The following NCKAP5 variants were observed in gnomAD, a reference collection of about 807,000 sequenced individuals.
NCKAP5 encodes NCK associated protein 5.
A neutral mutation model predicts 167.0 loss-of-function variants in NCKAP5; 92 were observed. That is an observed-to-expected ratio of 0.55 (90% CI 0.47 to 0.66). The LOEUF is 0.66. Among genes scored for constraint, NCKAP5 ranks in the 30% least tolerant of loss-of-function variants. NCKAP5 has a pLI of 0.00. For synonymous variants in NCKAP5, 891 were observed against 877.4 expected, an observed-to-expected ratio of 1.02 and a Z score of -0.27; for missense variants, 2,378 against 2,315.0, an observed-to-expected ratio of 1.03 and a Z score of -0.56.
chr2:133,583,775 G>A, the NCKAP5 span, among the ~76,000 whole-genome samples: 48,824 of 151,832 alleles, frequency 0.32, 8,181 homozygotes, highest in South Asian at 0.42. Context: ...TTGTTTTGAG[G>A]TGGAGTCTCG....
intron 8 of NCKAP5, among the ~76,000 whole-genome samples, chr2:132,926,766 T>G (rs1198698274): frequency 6.6e-6 from 1 of 152,236 alleles, no homozygotes; most frequent in East Asian, 1.9e-4. Flanking sequence ...TTGTAAATTC[T>G]GGATATTCAT....
intron 2 of NCKAP5, among the ~76,000 whole-genome samples, chr2:133,535,068 A>G (rs550378172): frequency 8.9e-4 from 135 of 152,210 alleles, no homozygotes; most frequent in Non-Finnish European, 1.7e-3. Context: ...TTTGATTCCC[A>G]TTTCCCGAAT....
At chr2:132,792,412 C>T (rs74572162) in intron 12 of NCKAP5, among the ~76,000 whole-genome samples, 553 of 152,274 alleles carry the variant, frequency 3.6e-3, no homozygotes, top group Non-Finnish European at 6.3e-3. Flanking sequence ...ATGGTTGTGT[C>T]GCAGAGCAGC....
intron 3 of NCKAP5, among the ~76,000 whole-genome samples, chr2:133,371,131 T>C (rs2150910321): frequency 6.6e-6 from 1 of 152,308 alleles, no homozygotes; most frequent in Admixed American, 6.5e-5. Context: ...ACAGCAGTAG[T>C]TGTTGTCTCT....
At chr2:133,066,106 T>C (rs1573924324) in intron 6 of NCKAP5, among the ~76,000 whole-genome samples, 1 of 152,316 alleles carries the variant, frequency 6.6e-6, no homozygotes, top group East Asian at 1.9e-4. Flanking sequence ...TTAAGATAAT[T>C]ACAACTGAAG....
intron 3 of NCKAP5, among the ~76,000 whole-genome samples, chr2:133,385,027 A>G (rs1686831695): frequency 6.6e-6 from 1 of 152,186 alleles, no homozygotes; most frequent in Admixed American, 6.5e-5. Context: ...TCCTAATTGA[A>G]TAGGCTTTAT....
At chr2:133,441,749 G>T (rs1304645178) in intron 3 of NCKAP5, among the ~76,000 whole-genome samples, 1 of 152,124 alleles carries the variant, frequency 6.6e-6, no homozygotes, top group Non-Finnish European at 1.5e-5. Flanking sequence ...CTTCTGGCCT[G>T]GTTGCCTCCT....
At chr2:133,285,258 A>C (rs1275060220) in intron 4 of NCKAP5, among the ~76,000 whole-genome samples, 2 of 152,240 alleles carry the variant, frequency 1.3e-5, no homozygotes, top group African/African-American at 4.8e-5. Flanking sequence ...TGACAGGAAA[A>C]ATAATCTATA....
intron 16 of NCKAP5, among the ~76,000 whole-genome samples, chr2:132,765,471 C>T (rs563000846): frequency 1.1e-4 from 16 of 152,128 alleles, no homozygotes; most frequent in Admixed American, 7.8e-4. Flanking sequence ...CGTGGCACCA[C>T]GCGCAGCTAA....
At chr2:133,087,640 C>T (rs997285378) in intron 6 of NCKAP5, among the ~76,000 whole-genome samples, 1 of 152,104 alleles carries the variant, frequency 6.6e-6, no homozygotes, top group Non-Finnish European at 1.5e-5. Flanking sequence ...GACAGTGGGG[C>T]TTGATGCACA....
Position 132,934,235 on chromosome 2 carries a change from C to T in NCKAP5, c.579+29485G>A, listed in dbSNP as rs1039550089. On this transcript the variant is annotated intron_variant, in intron 8 of 19. Transcript: ENST00000409261. The stretch of plus-strand genomic sequence containing the variant: ...AATTATTAGATACCTCTGGTGATGG[C>T]AACTAGAAACTACGTGAAGTCATGG... Among the ~76,000 whole-genome samples the T allele has an allele frequency of 5.3e-5, 8 of 152,216 alleles. No homozygotes were observed. The East Asian group carries it at 1.5e-3, about 29-fold the overall frequency.
At chr2:133,251,145 C>G (rs566471574) in intron 4 of NCKAP5, among the ~76,000 whole-genome samples, 1 of 151,654 alleles carries the variant, frequency 6.6e-6, no homozygotes, top group East Asian at 1.9e-4. Flanking sequence ...CAACTGTTTA[C>G]ACAGCATTTA....
At chr2:133,014,561 T>C (rs1559051474) in intron 6 of NCKAP5, among the ~76,000 whole-genome samples, 1 of 152,250 alleles carries the variant, frequency 6.6e-6, no homozygotes, top group Non-Finnish European at 1.5e-5. Context: ...ATACTGTCTA[T>C]GCTGGGCTTG....
intron 8 of NCKAP5, among the ~76,000 whole-genome samples, chr2:132,941,120 C>T (rs1402122183): frequency 6.6e-6 from 1 of 152,142 alleles, no homozygotes. Context: ...AGAGCAAATC[C>T]TCAAAGACAG....
chr2:132,929,896 GA>G (rs1696229432), intron 8 of NCKAP5: 1 of 152,310 alleles, frequency 6.6e-6, no homozygotes, highest in East Asian at 1.9e-4. Context: ...TGAGCCACAA[GA>G]AAAATTCTTC....
chr2:133,460,676 A>T lies in NCKAP5; in HGVS notation c.69+56782T>A, dbSNP rs1244619904. 2.6e-5 allele frequency among the ~76,000 whole-genome samples: 4 copies of T among 152,206 alleles called. No homozygotes were observed. In the East Asian group the frequency reaches 7.7e-4, roughly 29 times the overall value. On this transcript the variant is annotated intron_variant, in intron 3 of 19. Coordinates refer to ENST00000409261, the MANE Select transcript of NCKAP5 (RefSeq NM_207363.3). ...GTACAAACTATAAACTGTAACTTAAAATAATTTTATTTTCTTCCTCTAACT... is the reference window on the plus strand; with the variant it reads ...GTACAAACTATAAACTGTAACTTAATATAATTTTATTTTCTTCCTCTAACT...
intron 3 of NCKAP5, among the ~76,000 whole-genome samples, chr2:133,424,670 C>G (rs898142395): frequency 6.6e-6 from 1 of 152,180 alleles, no homozygotes; most frequent in Non-Finnish European, 1.5e-5. Context: ...TGCCTTGCTA[C>G]TCATGGTGTG....
chr2:132,692,797 T>C (rs932498354), intron 19 of NCKAP5, among the ~76,000 whole-genome samples: 1 of 152,022 alleles, frequency 6.6e-6, no homozygotes, highest in Admixed American at 6.5e-5. Flanking sequence ...GCTAAGTTAA[T>C]AAAGTTGACT....
chr2:133,019,323 T>G (rs1317961011), intron 6 of NCKAP5, among the ~76,000 whole-genome samples: 1 of 152,076 alleles, frequency 6.6e-6, no homozygotes, highest in East Asian at 1.9e-4. Flanking sequence ...CAATAGGGTA[T>G]TTTGATAAGG....
Sources: allele counts gnomAD v4.1 joint callset (sites outside exome capture counted in the v4.1 genomes callset), GRCh38; gene constraint gnomAD v4.1.1; transcripts MANE v1.5; gene names NCBI Gene and HGNC (gene_info 2026-07-23, HGNC 2026-07-21).